Variants in THOC2 observed in about 807,000 individuals in gnomAD.
The protein encoded by THOC2 is THO complex 2.
Under a neutral mutation model 128.4 loss-of-function variants are expected in THOC2, and 10 were observed. That is an observed-to-expected ratio of 0.08 (90% CI 0.05 to 0.13). THOC2 has a LOEUF of 0.13. Ranked by LOEUF, THOC2 falls within the 10% of genes least tolerant of loss-of-function variation. THOC2 has a pLI of 1.00. For synonymous variants in THOC2, 393 were observed against 396.9 expected (o/e 0.99, Z 0.12); for missense variants, 535 against 1,155.7 (o/e 0.46, Z 7.79).
chrX:123,688,168 C>T (rs769903914), intron 7 of THOC2, among the ~76,000 whole-genome samples: 11 of 111,710 alleles, frequency 9.8e-5, no homozygotes, highest in Non-Finnish European at 1.9e-4. Context: ...CAAATGTTCA[C>T]GGCAGGTTTA....
chrX:123,728,290 A>G (rs2052083048), intron 1 of THOC2, among the ~76,000 whole-genome samples: 1 of 111,381 alleles, frequency 9.0e-6, no homozygotes, highest in Admixed American at 9.6e-5. Flanking sequence ...GTAGGAAAAA[A>G]GCACAAGTAT....
rs191172074 is a variant in THOC2, at chrX:123,642,164, G to A, written c.1662-1542C>T. Reference sequence around the variant, plus strand: ...GATGAAGCCGCGTGCAGTGGCTCACGCCTGTAATCCCACCACTTTGGGAGG... The same window carrying A: ...GATGAAGCCGCGTGCAGTGGCTCACACCTGTAATCCCACCACTTTGGGAGG... On this transcript the variant is annotated intron_variant, in intron 15 of 38. Transcript: ENST00000245838. Among the ~76,000 whole-genome samples the A allele has an allele frequency of 4.7e-3, 526 of 112,224 alleles. 5 individuals carry two copies. Among genetic ancestry groups the A allele is most frequent in the Middle Eastern group, 0.014 (3 of 214 alleles).
At chrX:123,703,799 G>A (rs1257374036) in intron 3 of THOC2, among the ~76,000 whole-genome samples, 1 of 96,966 alleles carries the variant, frequency 1.0e-5, no homozygotes, top group Non-Finnish European at 2.0e-5. Flanking sequence ...GCTGAGGTGG[G>A]AGGATCATTT....
In THOC2 at chrX:123,642,403, G is replaced by A. The variant is rs1445895695; in HGVS notation, c.1662-1781C>T. 3.8e-5 allele frequency among the ~76,000 whole-genome samples: 4 copies of A among 105,550 alleles called. No individual in the cohort carries two copies. The East Asian group carries it at 8.7e-4, about 23-fold the overall frequency. The allele number at this position is 105,550 out of a possible 115,157, so 91.7% of individuals were successfully genotyped here. On this transcript the variant is annotated intron_variant, in intron 15 of 38. Transcript: ENST00000245838. ...TCGTGCCACTGCAGCACTCCAGCCC[G>A]GGCAACGGTGCAAAACTCCATCTCC...
chrX:123,701,863 CA>C (rs2050719324), intron 4 of THOC2, among the ~76,000 whole-genome samples: 1 of 110,954 alleles, frequency 9.0e-6, no homozygotes, highest in Non-Finnish European at 1.9e-5. Context: ...CCAGTGAAAA[CA>C]AAACAAAACT....
At chrX:123,658,792 CA>C (rs1190367598) in intron 12 of THOC2, among the ~76,000 whole-genome samples, 1 of 111,475 alleles carries the variant, frequency 9.0e-6, no homozygotes, top group Non-Finnish European at 1.9e-5. Flanking sequence ...CAACACAAAG[CA>C]AATCCTGATG....
Position 123,651,731 on chromosome X carries a change from C to G in THOC2, c.1387-6356G>C, listed in dbSNP as rs56097196. ...TAAATTCCTGGACACATACGCCCCCCCCCCAAGACTAAACCAGGAAGAAGT... is the reference window on the plus strand; with the variant it reads ...TAAATTCCTGGACACATACGCCCCCGCCCCAAGACTAAACCAGGAAGAAGT... On this transcript the variant is annotated intron_variant, in intron 12 of 38. Transcript: ENST00000245838. Among the ~76,000 whole-genome samples, 813 of 106,923 alleles carry G rather than the reference C, an allele frequency of 7.6e-3. 5 individuals carry two copies. The highest frequency in any genetic ancestry group is 0.026 in the African/African-American group (764 of 29,242). 92.8% of individuals were successfully genotyped at this position (106,923 alleles called of 115,157 possible). A position where few individuals can be genotyped will look rare whatever the true frequency, so the allele number is the denominator to read the frequency against.
chrX:123,607,389 C>T (rs2046512691), intron 38 of THOC2, among the ~76,000 whole-genome samples: 1 of 111,252 alleles, frequency 9.0e-6, no homozygotes, highest in Admixed American at 9.5e-5. Context: ...AATCCTCCTG[C>T]CTCAGACTCT....
intron 1 of THOC2, among the ~76,000 whole-genome samples, chrX:123,720,168 C>T (rs1264975237): frequency 1.8e-5 from 2 of 109,416 alleles, no homozygotes; most frequent in Admixed American, 2.0e-4. Context: ...AAAAATAGGC[C>T]AGGCATGTGG....
intron 1 of THOC2, among the ~76,000 whole-genome samples, chrX:123,728,596 A>G (rs911548070): frequency 8.9e-6 from 1 of 111,736 alleles, no homozygotes; most frequent in Admixed American, 9.6e-5. Flanking sequence ...AAAATTTCTT[A>G]GAATGATTAT....
intron 12 of THOC2, among the ~76,000 whole-genome samples, chrX:123,661,498 T>TG (rs889044725): frequency 1.2e-4 from 13 of 109,916 alleles, no homozygotes; most frequent in African/African-American, 3.6e-4. Context: ...TAACAGAGGC[T>TG]GGGGGTGAGG....
intron 12 of THOC2, among the ~76,000 whole-genome samples, chrX:123,656,256 G>A (rs1040480124): frequency 2.9e-5 from 3 of 104,914 alleles, no homozygotes; most frequent in Non-Finnish European, 3.9e-5. Context: ...CCGTGAACCC[G>A]GGAGGCAGAG....
intron 32 of THOC2, chrX:123,619,766 AC>A (rs2047018504): frequency 6.5e-6 from 1 of 153,690 alleles, no homozygotes; most frequent in Non-Finnish European, 1.3e-5. Flanking sequence ...TTTTTTCTCC[AC>A]AAAAAATTTA....
At chrX:123,709,929 G>A (rs2051113154) in intron 2 of THOC2, among the ~76,000 whole-genome samples, 1 of 110,819 alleles carries the variant, frequency 9.0e-6, no homozygotes, top group Non-Finnish European at 1.9e-5. Context: ...GGGGTGGGGG[G>A]GAAGGTGATT....
Position 123,634,133 on chromosome X carries a change from A to G in THOC2, c.2019-63T>C, listed in dbSNP as rs1322778907. On this transcript the variant is annotated intron_variant, in intron 19 of 38. Coordinates refer to ENST00000245838, the MANE Select transcript of THOC2 (RefSeq NM_001081550.2). ...ACTTCAAATATAAAAGTAACAATGT[A>G]TTGTAATTAATATACTGAGAAACCC... The G allele has an allele frequency of 1.3e-5, 8 of 621,975 alleles. No individual in the cohort carries two copies. In the East Asian group the frequency reaches 2.5e-4, roughly 19 times the overall value. 51.3% of individuals were successfully genotyped at this position (621,975 alleles called of 1,213,427 possible).
At chrX:123,716,813 G>T (rs1180507202) in intron 1 of THOC2, among the ~76,000 whole-genome samples, 1 of 105,443 alleles carries the variant, frequency 9.5e-6, no homozygotes, top group Non-Finnish European at 1.9e-5. Context: ...CAGGAGAATC[G>T]CTTGGACCCA....
In THOC2 at chrX:123,640,315, T is replaced by C. The variant is rs374082517; in HGVS notation, c.1746+223A>G. On this transcript the variant is annotated intron_variant, in intron 16 of 38. Coordinates refer to ENST00000245838, the MANE Select transcript of THOC2 (RefSeq NM_001081550.2). ...AGAAATCAAGATGTGGTATACAAAA[T>C]AACATTATATATACAAAATAACTAT... is the stretch of plus-strand genomic sequence containing the variant. 4.5e-5 allele frequency among the ~76,000 whole-genome samples: 5 copies of C among 112,038 alleles called. No homozygotes were observed. In the East Asian group the frequency reaches 1.4e-3, roughly 31 times the overall value.
At chrX:123,606,801 C>T (rs1490403548) in intron 38 of THOC2, among the ~76,000 whole-genome samples, 1 of 111,294 alleles carries the variant, frequency 9.0e-6, no homozygotes, top group East Asian at 2.8e-4. Flanking sequence ...ATTAAAAATA[C>T]AGATTATGAA....
chrX:123,693,759 T>C (rs2050328350), intron 7 of THOC2, among the ~76,000 whole-genome samples: 1 of 111,213 alleles, frequency 9.0e-6, no homozygotes, highest in African/African-American at 3.3e-5. Flanking sequence ...GCATATTATA[T>C]GGTGATATGT....
Sources: allele counts gnomAD v4.1 joint callset (sites outside exome capture counted in the v4.1 genomes callset), GRCh38; gene constraint gnomAD v4.1.1; transcripts MANE v1.5; gene names NCBI Gene and HGNC (gene_info 2026-07-23, HGNC 2026-07-21).